RANBP2: variants seen among roughly 807,000 people sequenced by gnomAD.
The protein encoded by RANBP2 is RAN binding protein 2, also known as E3 SUMO-protein ligase RanBP2.
A neutral mutation model predicts 303.6 loss-of-function variants in RANBP2; 57 were observed. The ratio of observed to expected loss-of-function variants is 0.19; its 90% CI spans 0.15 to 0.23. The LOEUF is 0.23. RANBP2 is among the 10% of genes least tolerant of loss of function. The pLI is 1.00. For missense variants in RANBP2, 3,138 were observed against 3,780.8 expected, an observed-to-expected ratio of 0.83 and a Z score of 4.46; for synonymous variants, 1,167 against 1,301.5, an observed-to-expected ratio of 0.90 and a Z score of 2.23.
the RANBP2 span, among the ~76,000 whole-genome samples, chr2:109,626,746 T>C: frequency 6.6e-6 from 1 of 152,214 alleles, no homozygotes; most frequent in Non-Finnish European, 1.5e-5. Flanking sequence ...GGATTTTCAG[T>C]AGACTGGCTT....
the RANBP2 span, among the ~76,000 whole-genome samples, chr2:109,400,633 T>TA: frequency 4.0e-5 from 6 of 151,812 alleles, no homozygotes; most frequent in African/African-American, 1.5e-4. Flanking sequence ...CACCCACACA[T>TA]ACACCCGTGC....
chr2:109,604,510 G>T, the RANBP2 span, among the ~76,000 whole-genome samples: 1 of 151,896 alleles, frequency 6.6e-6, no homozygotes, highest in Non-Finnish European at 1.5e-5. Flanking sequence ...GTGGGATCAC[G>T]AGGTCAGGAG....
At chr2:109,703,024 G>A in the RANBP2 span, among the ~76,000 whole-genome samples, 2 of 152,192 alleles carry the variant, frequency 1.3e-5, no homozygotes, top group East Asian at 3.9e-4. Context: ...ATTTGGGGGT[G>A]GGGGCTAGGA....
chr2:108,804,900 A>T, the RANBP2 span: 1 of 1,558,306 alleles, frequency 6.4e-7, no homozygotes, highest in South Asian at 1.2e-5. Context: ...AGCATGATGC[A>T]GAAGTTGAAC....
At chr2:109,277,352 C>A in the RANBP2 span, among the ~76,000 whole-genome samples, 91 of 152,284 alleles carry the variant, frequency 6.0e-4, no homozygotes, top group East Asian at 0.01. Context: ...TTCTCAGTGT[C>A]ATTTCATTTA....
chr2:109,156,551 TTC>T, the RANBP2 span, among the ~76,000 whole-genome samples: 2 of 152,090 alleles, frequency 1.3e-5, no homozygotes, highest in African/African-American at 4.8e-5. Flanking sequence ...GTTCAAGCGA[TTC>T]TTCTGCCTCA....
the RANBP2 span, among the ~76,000 whole-genome samples, chr2:109,457,614 C>T: frequency 9.9e-4 from 151 of 152,356 alleles, no homozygotes; most frequent in Non-Finnish European, 1.7e-3. Context: ...GAGCGATGCA[C>T]ACACTGCATG....
the RANBP2 span, among the ~76,000 whole-genome samples, chr2:109,247,950 C>A: frequency 9.2e-5 from 14 of 152,122 alleles, no homozygotes; most frequent in African/African-American, 3.4e-4. Context: ...AACGTGCAAG[C>A]GCTTTTTAAA....
At chr2:108,919,761 C>T in the RANBP2 span, among the ~76,000 whole-genome samples, 2 of 152,164 alleles carry the variant, frequency 1.3e-5, no homozygotes, top group African/African-American at 2.4e-5. Flanking sequence ...CAGTGTAGGT[C>T]AGCGAGGCTC....
chr2:109,542,645 C>A, the RANBP2 span, among the ~76,000 whole-genome samples: 313 of 152,352 alleles, frequency 2.1e-3, 6 homozygotes, highest in South Asian at 0.055. Flanking sequence ...CTCCAGGACT[C>A]CCTGCCTACC....
In RANBP2 at chr2:108,735,787, A is replaced by G. The variant is rs760523894; in HGVS notation, c.636+25A>G. On this transcript the variant is annotated intron_variant, in intron 5 of 28. Transcript: ENST00000283195. ...GGTAGATAAAAGCTATTGGGTCTTTACATTTCTATGTAGGCAATTAGCATA... is the reference window on the plus strand; with the variant it reads ...GGTAGATAAAAGCTATTGGGTCTTTGCATTTCTATGTAGGCAATTAGCATA... 34 of 1,597,464 alleles carry G rather than the reference A, an allele frequency of 2.1e-5. No individual in the cohort carries two copies. The African/African-American group carries it at 2.8e-4, about 13-fold the overall frequency.
chr2:109,644,104 G>GAGT, the RANBP2 span, among the ~76,000 whole-genome samples: 1 of 150,228 alleles, frequency 6.7e-6, no homozygotes, highest in Non-Finnish European at 1.5e-5. Flanking sequence ...CTGGGCGACA[G>GAGT]AGTGAGACTC....
the RANBP2 span, among the ~76,000 whole-genome samples, chr2:109,540,180 T>G: frequency 6.6e-6 from 1 of 152,210 alleles, no homozygotes; most frequent in Admixed American, 6.5e-5. Context: ...TAAAAGGTAT[T>G]AAGGCTTGCT....
chr2:109,020,307 C>T, the RANBP2 span, among the ~76,000 whole-genome samples: 1 of 152,164 alleles, frequency 6.6e-6, no homozygotes, highest in South Asian at 2.1e-4. Flanking sequence ...AGACAAGCCA[C>T]CACAGGCACC....
chr2:109,066,869 C>G, the RANBP2 span, among the ~76,000 whole-genome samples: 4 of 152,078 alleles, frequency 2.6e-5, no homozygotes, highest in Admixed American at 1.3e-4. Context: ...GTTCCAAGAA[C>G]CCCCCAGGAA....
chr2:108,750,125 G>A (rs1675753062), intron 9 of RANBP2, among the ~76,000 whole-genome samples: 1 of 152,230 alleles, frequency 6.6e-6, no homozygotes, highest in Admixed American at 6.5e-5. Context: ...CAGCCTGGGC[G>A]ACAGAGCGAG....
the RANBP2 span, among the ~76,000 whole-genome samples, chr2:109,609,503 G>C: frequency 6.6e-6 from 1 of 151,892 alleles, no homozygotes; most frequent in African/African-American, 2.4e-5. Context: ...GGCTGCCAGG[G>C]GCTGGGGTTC....
chr2:109,176,457 C>CATG, the RANBP2 span, among the ~76,000 whole-genome samples: 2 of 152,056 alleles, frequency 1.3e-5, no homozygotes, highest in African/African-American at 4.8e-5. Flanking sequence ...AGGGGCCAGC[C>CATG]ATGATGGCTC....
Position 108,763,892 on chromosome 2 carries a change from G to A in RANBP2, c.3353G>A (p.Ser1118Asn). 1.2e-6 allele frequency: 2 copies of A among 1,613,896 alleles called. No homozygotes were observed. The highest frequency in any genetic ancestry group is 8.5e-7 in the Non-Finnish European group (1 of 1,179,970). The change falls in exon 20 of 29, where the codon AGT becomes AAT. Residue 1118 changes from serine to asparagine, a missense_variant. Transcript: ENST00000283195. ...GISFTENMGSSQQKNSGFRRS... is the reference protein window; with the variant it reads ...GISFTENMGSNQQKNSGFRRS... ...TCATTTACAGAAAACATGGGGTCGA[G>A]TCAGCAAAAGAATTCTGGTTTTCGG... is the stretch of plus-strand genomic sequence containing the variant.
Sources: gnomAD v4.1 joint callset for allele counts (sites outside exome capture counted in the v4.1 genomes callset) on GRCh38, gnomAD v4.1.1 for gene constraint, MANE v1.5 for transcripts, NCBI Gene and HGNC (gene_info 2026-07-23, HGNC 2026-07-21) for gene names.